SLC5A8: variants seen among roughly 807,000 people sequenced by gnomAD.
The protein encoded by SLC5A8 is solute carrier family 5 member 8.
In SLC5A8, 55 loss-of-function variants were observed where a neutral mutation model predicts 71.9. That is an observed-to-expected ratio of 0.77 (90% CI 0.62 to 0.96). The LOEUF (loss-of-function observed/expected upper bound fraction) is 0.96. Among genes scored for constraint, SLC5A8 ranks in the 40% least tolerant of loss-of-function variants. The probability of loss-of-function intolerance (pLI) is 0.00; values close to 1 mark genes in which losing one functional copy is unlikely to be tolerated. For missense variants in SLC5A8, 701 were observed against 745.3 expected, an observed-to-expected ratio of 0.94 and a Z score of 0.69; for synonymous variants, 307 against 276.1, an observed-to-expected ratio of 1.11 and a Z score of -1.11.
At chr12:101,187,099 A>G (rs1372928405) in intron 7 of SLC5A8, among the ~76,000 whole-genome samples, 1 of 152,216 alleles carries the variant, frequency 6.6e-6, no homozygotes, top group Non-Finnish European at 1.5e-5. Flanking sequence ...AACAACAACA[A>G]CAACAAAAAA....
chr12:101,157,689 A>G (rs1308644469), intron 14 of SLC5A8, among the ~76,000 whole-genome samples: 1 of 152,164 alleles, frequency 6.6e-6, no homozygotes, highest in Non-Finnish European at 1.5e-5. Flanking sequence ...GATATAAGTT[A>G]TCAGAGGATA....
intron 10 of SLC5A8, among the ~76,000 whole-genome samples, chr12:101,171,263 C>T (rs901917876): frequency 1.1e-4 from 17 of 152,176 alleles, no homozygotes; most frequent in Admixed American, 7.9e-4. Flanking sequence ...ACCTGGTCTC[C>T]TGGAAATCTG....
chr12:101,179,943 C>G, intron 10 of SLC5A8, 86 bp downstream of exon 10: 2 of 1,403,578 alleles, frequency 1.4e-6, no homozygotes, highest in Non-Finnish European at 2.0e-6. Context: ...CGATATATAT[C>G]GAGAGAAGTC....
At chr12:101,167,395 T>C (rs2051783573) in intron 11 of SLC5A8, among the ~76,000 whole-genome samples, 1 of 152,254 alleles carries the variant, frequency 6.6e-6, no homozygotes, top group Non-Finnish European at 1.5e-5. Flanking sequence ...CAGAGTTCTA[T>C]GGCTATTCTA....
intron 3 of SLC5A8, among the ~76,000 whole-genome samples, chr12:101,201,459 C>CGT (rs952770989): frequency 1.3e-5 from 2 of 152,162 alleles, no homozygotes; most frequent in African/African-American, 2.4e-5. Context: ...TTTACAAGGA[C>CGT]GTTTTAGAGA....
At position 101,157,474 on chromosome 12, in the gene SLC5A8, G is replaced by A. The variant is rs545023995; in HGVS notation, c.1711-73C>T. The A allele has an allele frequency of 6.2e-4, 911 of 1,480,006 alleles. 17 individuals carry two copies. In the South Asian group the frequency reaches 0.011, roughly 18 times the overall value. 91.7% of individuals were successfully genotyped at this position (1,480,006 alleles called of 1,614,324 possible). A position where few individuals can be genotyped will look rare whatever the true frequency, so the allele number is the denominator to read the frequency against. ...TTCATTCATGTAATTCTAAATAATT[G>A]TTTCTACTATTTTTATTTCTCTGCA... On this transcript the variant is annotated intron_variant, in intron 14 of 14. Coordinates refer to ENST00000536262, the MANE Select transcript of SLC5A8 (RefSeq NM_145913.5).
chr12:101,177,962 G>T (rs2051896454), intron 10 of SLC5A8, among the ~76,000 whole-genome samples: 1 of 152,120 alleles, frequency 6.6e-6, no homozygotes, highest in African/African-American at 2.4e-5. Context: ...TGACAAGACT[G>T]TTTATGTAGA....
Position 101,160,842 on chromosome 12 carries a change from C to T in SLC5A8, c.1630+1132G>A, listed in dbSNP as rs570902085. ...AAACGAGAAAATTAGAGGAACTGTC[C>T]ATGATTCTGATTCAAATGTTTGACT... On this transcript the variant is annotated intron_variant, in intron 13 of 14. Coordinates refer to ENST00000536262, the MANE Select transcript of SLC5A8 (RefSeq NM_145913.5). 2.0e-5 allele frequency among the ~76,000 whole-genome samples: 3 copies of T among 152,160 alleles called. No homozygotes were observed. The South Asian group carries it at 6.2e-4, about 32-fold the overall frequency.
chr12:101,183,997 GGACACATACAGCA>G, intron 8 of SLC5A8, 124 bp downstream of exon 8: 1 of 740,868 alleles, frequency 1.3e-6, no homozygotes, highest in Non-Finnish European at 2.2e-6. Flanking sequence ...ACCACAGAGA[GGACACATACAGCA>G]GATTGCCTAC....
intron 6 of SLC5A8, 109 bp from the exon 7 acceptor site, chr12:101,187,624 G>A (rs965372851): frequency 5.0e-5 from 58 of 1,150,424 alleles, no homozygotes; most frequent in Non-Finnish European, 6.4e-5. Flanking sequence ...CTCAATAAAT[G>A]TACATTATCT....
At chr12:101,205,251 T>C (rs892648120) in intron 1 of SLC5A8, among the ~76,000 whole-genome samples, 2 of 152,222 alleles carry the variant, frequency 1.3e-5, no homozygotes, top group Non-Finnish European at 2.9e-5. Context: ...CAAGGCTTGC[T>C]TACTCAGCCT....
At chr12:101,166,203 C>A (rs2051767975) in intron 12 of SLC5A8, among the ~76,000 whole-genome samples, 2 of 152,156 alleles carry the variant, frequency 1.3e-5, no homozygotes, top group South Asian at 4.1e-4. Context: ...AAAGATAATT[C>A]TTCATGCAGC....
chr12:101,162,444 T>C (rs1201233627), intron 12 of SLC5A8, among the ~76,000 whole-genome samples: 1 of 152,210 alleles, frequency 6.6e-6, no homozygotes, highest in Non-Finnish European at 1.5e-5. Context: ...CGTGCACTTA[T>C]ATGTTCATCG....
intron 5 of SLC5A8, among the ~76,000 whole-genome samples, chr12:101,192,417 T>C (rs1304582895): frequency 1.3e-5 from 2 of 152,200 alleles, no homozygotes; most frequent in African/African-American, 4.8e-5. Flanking sequence ...TGGGTTTTTT[T>C]TTCTTCAAAC....
In SLC5A8 at chr12:101,209,912, G is replaced by A; in HGVS notation, c.-64C>T. The A allele has an allele frequency of 7.2e-7, 1 of 1,389,890 alleles. No homozygotes were observed. The highest frequency in any genetic ancestry group is 2.8e-5 in the Admixed American group (1 of 35,176). The allele number at this position is 1,389,890 out of a possible 1,614,324, so 86.1% of individuals were successfully genotyped here. ...GCCCCGCGGCGCGCAGCCGGAGCCCGGCGCGCACTTCTTATCCCGGATCCC... is the reference window on the plus strand; with the variant it reads ...GCCCCGCGGCGCGCAGCCGGAGCCCAGCGCGCACTTCTTATCCCGGATCCC... On this transcript the variant is annotated 5_prime_UTR_variant, in exon 1 of 15. Transcript: ENST00000536262.
intron 6 of SLC5A8, among the ~76,000 whole-genome samples, chr12:101,189,999 C>T (rs1356715601): frequency 6.6e-6 from 1 of 152,164 alleles, no homozygotes; most frequent in Non-Finnish European, 1.5e-5. Flanking sequence ...ACTCAAATAG[C>T]AAATATTAGA....
chr12:101,192,490 G>A (rs1312501637), intron 5 of SLC5A8, among the ~76,000 whole-genome samples: 5 of 152,130 alleles, frequency 3.3e-5, no homozygotes, highest in Admixed American at 3.3e-4. Flanking sequence ...GACAACATGG[G>A]TTGTCCCTTT....
In SLC5A8 at chr12:101,162,001, C is replaced by A; in HGVS notation, c.1603G>T (p.Val535Leu). ...STVGTLVTLL[V>L]GILVSLSTGG... is the part of the protein sequence containing the mutation. ...GTTGATAAACTGACAAGTATCCCCA[C>A]TAATAATGTTACCAAAGTTCCAACA... The change falls in exon 13 of 15, where the codon GTG becomes TTG. Residue 535 changes from valine to leucine, a missense_variant. Coordinates refer to ENST00000536262, the MANE Select transcript of SLC5A8 (RefSeq NM_145913.5). 4 of 1,613,174 alleles carry A rather than the reference C, an allele frequency of 2.5e-6. No individual in the cohort carries two copies. Among genetic ancestry groups the A allele is most frequent in the Non-Finnish European group, 3.4e-6 (4 of 1,179,296 alleles).
intron 3 of SLC5A8, among the ~76,000 whole-genome samples, chr12:101,197,501 C>T (rs1869237073): frequency 6.6e-6 from 1 of 151,980 alleles, no homozygotes; most frequent in Non-Finnish European, 1.5e-5. Flanking sequence ...TACCAGTTTA[C>T]AAGAAATACA....
Sources: allele counts gnomAD v4.1 joint callset (sites outside exome capture counted in the v4.1 genomes callset), GRCh38; gene constraint gnomAD v4.1.1; transcripts MANE v1.5; gene names NCBI Gene and HGNC (gene_info 2026-07-23, HGNC 2026-07-21).